Variants in CHD7 observed in about 807,000 individuals in gnomAD.
CHD7 encodes the protein chromodomain helicase DNA binding protein 7.
Under a neutral mutation model 307.3 loss-of-function variants are expected in CHD7, and 24 were observed. The ratio of observed to expected loss-of-function variants is 0.08; its 90% CI spans 0.06 to 0.11. The LOEUF is 0.11. Ranked by LOEUF, CHD7 falls within the 10% of genes least tolerant of loss-of-function variation. The pLI, the probability that CHD7 is intolerant of heterozygous loss-of-function variation, is 1.00. For synonymous variants in CHD7, 1,363 were observed against 1,349.9 expected (o/e 1.01, Z -0.21); for missense variants, 3,106 against 3,727.1 (o/e 0.83, Z 4.34).
At chr8:60,853,933 A>G (rs1274008034) in intron 31 of CHD7, among the ~76,000 whole-genome samples, 1 of 152,222 alleles carries the variant, frequency 6.6e-6, no homozygotes. Flanking sequence ...AAAATAACCA[A>G]TTTTTTAAGT....
chr8:60,851,586 A>T (rs114428319), intron 28 of CHD7, among the ~76,000 whole-genome samples: 28 of 152,372 alleles, frequency 1.8e-4, no homozygotes, highest in Non-Finnish European at 3.4e-4. Context: ...CATCTAAACT[A>T]TAGCTCTTGG....
rs1000853758 is a variant in CHD7, at chr8:60,793,015, A to G, written c.2097-1971A>G. Among the ~76,000 whole-genome samples the G allele has an allele frequency of 1.6e-4, 25 of 152,258 alleles. 1 individual carries two copies. The highest frequency in any genetic ancestry group is 1.6e-3 in the Admixed American group (24 of 15,284). ...GAAGCAGATGGCTTTAGTCAGTGGC[A>G]TCCAGCCAAAAGAGCAGGTGCTGGT... On this transcript the variant is annotated intron_variant, in intron 3 of 37. Transcript: ENST00000423902.
At chr8:60,692,019 C>T (rs149882977) in intron 1 of CHD7, among the ~76,000 whole-genome samples, 5 of 152,262 alleles carry the variant, frequency 3.3e-5, no homozygotes, top group African/African-American at 4.8e-5. Context: ...TATCAAGGTG[C>T]TTCTGATGTA....
At position 60,763,742 on chromosome 8, in the gene CHD7, AC is replaced by A. The variant is rs574104805; in HGVS notation, c.1666-17257del. ...AGAAGCTCTTTAAGCCCAGCATAAG[AC>A]TCCCTGGCCTATCCCTTCCCCTCCT... On this transcript the variant is annotated intron_variant, in intron 2 of 37. Coordinates refer to ENST00000423902, the MANE Select transcript of CHD7 (RefSeq NM_017780.4). Among the ~76,000 whole-genome samples the A allele has an allele frequency of 6.7e-4, 101 of 151,622 alleles. 2 individuals carry two copies. The highest frequency in any genetic ancestry group is 2.9e-3 in the South Asian group (14 of 4,774).
chr8:60,832,233 C>T lies in CHD7; in HGVS notation c.3778+1656C>T, dbSNP rs986680283. 4.6e-5 allele frequency among the ~76,000 whole-genome samples: 7 copies of T among 152,080 alleles called. No individual in the cohort carries two copies. The South Asian group carries it at 1.5e-3, about 32-fold the overall frequency. ...AGAGACGGGGTTTCTCCATGTTGCC[C>T]AGGCTGGTATCGAACTCCTGAGCTC... On this transcript the variant is annotated intron_variant, in intron 15 of 37. Transcript: ENST00000423902.
At chr8:60,783,603 C>A (rs531826738) in intron 3 of CHD7, among the ~76,000 whole-genome samples, 2 of 152,198 alleles carry the variant, frequency 1.3e-5, no homozygotes, top group East Asian at 1.9e-4. Context: ...ACCTTCCCCC[C>A]TCCTGCGGCT....
chr8:60,862,875 T>A (rs1487032013), intron 37 of CHD7: 1 of 532,240 alleles, frequency 1.9e-6, no homozygotes, highest in African/African-American at 1.9e-5. Context: ...TATGGAAACA[T>A]ACATTCACAA....
At chr8:60,722,900 G>A (rs1203776755) in intron 1 of CHD7, among the ~76,000 whole-genome samples, 1 of 152,166 alleles carries the variant, frequency 6.6e-6, no homozygotes, top group African/African-American at 2.4e-5. Context: ...TCTACAAGGG[G>A]TAGCTTCTTA....
intron 9 of CHD7, among the ~76,000 whole-genome samples, chr8:60,821,379 C>G (rs1804024318): frequency 6.6e-6 from 1 of 152,074 alleles, no homozygotes; most frequent in South Asian, 2.1e-4. Context: ...AATACTGTTT[C>G]CAGTTTAGAC....
At chr8:60,863,241 C>G (rs540775006) in intron 37 of CHD7, 1 of 152,210 alleles carries the variant, frequency 6.6e-6, no homozygotes, top group Non-Finnish European at 1.5e-5. Flanking sequence ...TCCCTCACAC[C>G]GTCCTTTCCC....
At chr8:60,737,458 AG>A (rs1253927742) in intron 1 of CHD7, among the ~76,000 whole-genome samples, 1 of 152,226 alleles carries the variant, frequency 6.6e-6, no homozygotes, top group Non-Finnish European at 1.5e-5. Context: ...AGTCTATAAA[AG>A]GATTTTTTTC....
chr8:60,688,228 G>A (rs770883950), intron 1 of CHD7, among the ~76,000 whole-genome samples: 2 of 152,170 alleles, frequency 1.3e-5, no homozygotes, highest in African/African-American at 2.4e-5. Context: ...GACAGATACG[G>A]GTGTGAATCA....
intron 10 of CHD7, 43 bp from the exon 11 acceptor site, chr8:60,821,981 G>T: frequency 6.2e-7 from 1 of 1,613,394 alleles, no homozygotes. Context: ...TAGTGGTGTG[G>T]TCTTTGGGAA....
At chr8:60,693,745 G>A (rs951237110) in intron 1 of CHD7, among the ~76,000 whole-genome samples, 3 of 152,372 alleles carry the variant, frequency 2.0e-5, no homozygotes, top group East Asian at 1.9e-4. Flanking sequence ...GCGGGACACC[G>A]TGGGTTAGCC....
At chr8:60,720,649 G>A (rs1018108690) in intron 1 of CHD7, among the ~76,000 whole-genome samples, 3 of 152,178 alleles carry the variant, frequency 2.0e-5, no homozygotes, top group African/African-American at 7.2e-5. Context: ...CTCCGTTCTG[G>A]TAGAGAGAGA....
At position 60,865,079 on chromosome 8, in the gene CHD7, G is replaced by A. The variant is rs750380325; in HGVS notation, c.8140G>A (p.Ala2714Thr). 6.2e-7 allele frequency: 1 copy of A among 1,610,140 alleles called. No individual in the cohort carries two copies. Among genetic ancestry groups the A allele is most frequent in the African/African-American group, 1.3e-5 (1 of 75,006 alleles). ...LTGPVVRGEG[A>T]SRRGRRPKSE... ...TGGGCCTGTAGTGCGGGGAGAGGGA[G>A]CGAGCAGAAGAGGAAGAAGGCCCAA... Residue 2714 changes from alanine (A) to threonine (T), a missense_variant, in exon 38 of 38, where the codon GCG (alanine) becomes ACG (threonine). Physicochemically the swap from Ala to Thr is moderately conservative, Grantham distance 58 (BLOSUM62 0). Transcript: ENST00000423902. This position sits in a 1 kb window ranked among gnomAD's most constrained non-coding sequence, Gnocchi z 4.3.
At chr8:60,845,864 A>G (rs1253149368) in intron 23 of CHD7, among the ~76,000 whole-genome samples, 2 of 152,348 alleles carry the variant, frequency 1.3e-5, no homozygotes, top group Middle Eastern at 3.4e-3. Context: ...TAAACACTGT[A>G]TCAATTAAAC....
chr8:60,790,489 T>C (rs886420755), intron 3 of CHD7, among the ~76,000 whole-genome samples: 1 of 152,238 alleles, frequency 6.6e-6, no homozygotes, highest in African/African-American at 2.4e-5. Context: ...TTTTGAACTT[T>C]AGCCCGATTT....
At chr8:60,830,154 C>T (rs966546073) in intron 14 of CHD7, among the ~76,000 whole-genome samples, 168 bp from the exon 15 acceptor site, 14 of 152,200 alleles carry the variant, frequency 9.2e-5, no homozygotes, top group African/African-American at 3.4e-4. Context: ...AACCTTCATG[C>T]ACTGCTCTTA....
Sources: allele counts gnomAD v4.1 joint callset (sites outside exome capture counted in the v4.1 genomes callset), GRCh38; gene constraint gnomAD v4.1.1; non-coding constraint Gnocchi (gnomAD v3.1); transcripts MANE v1.5; gene names NCBI Gene and HGNC (gene_info 2026-07-23, HGNC 2026-07-21).